FREM3: variants seen among roughly 807,000 people sequenced by gnomAD.
FREM3 encodes the protein FRAS1 related extracellular matrix 3.
FREM3 carries 105 observed loss-of-function variants against 129.1 expected under a neutral mutation model. The observed-to-expected ratio is 0.81, with a 90% CI of 0.69 to 0.96. The LOEUF is 0.96. FREM3 is among the 40% of genes least tolerant of loss of function. The probability of loss-of-function intolerance (pLI) is 0.00; values close to 1 mark genes in which losing one functional copy is unlikely to be tolerated. For synonymous variants in FREM3, 1,014 were observed against 1,044.9 expected, an observed-to-expected ratio of 0.97 and a Z score of 0.57; for missense variants, 2,593 against 2,666.3, an observed-to-expected ratio of 0.97 and a Z score of 0.61.
rs538829234 is a variant in FREM3, at chr4:143,677,922, A to G, written c.5275+15191T>C. ...CTGGAGAGGATGTGGAGAAATAGGA[A>G]CACTTTTCCACTGTTGGTGGGACTG... On this transcript the variant is annotated intron_variant, in intron 2 of 7. Transcript: ENST00000329798. 2.0e-3 allele frequency among the ~76,000 whole-genome samples: 311 copies of G among 152,308 alleles called. 3 individuals are homozygous for G. Among genetic ancestry groups the G allele is most frequent in the African/African-American group, 7.2e-3 (299 of 41,552 alleles).
chr4:143,696,662 A>T lies in FREM3; in HGVS notation c.4014T>A (p.Asp1338Glu). Residue 1338 changes from aspartate (D) to glutamate (E), a missense_variant, in exon 1 of 8, where the codon GAT (aspartate) becomes GAA (glutamate). Asp to Glu is a conservative substitution (Grantham distance 45, BLOSUM62 2). Around this residue, in one of 2 missense-constraint regions of FREM3, gnomAD observed 2,276 missense variants for 2,267.2 expected, o/e 1.00. Coordinates refer to ENST00000329798, the MANE Select transcript of FREM3 (RefSeq NM_001168235.2). ...GGAGGACAAAACTGAGGCTTTTATC[A>T]TCTGAGTCAAGATCTGTGGCCTTGA... ...RILKATDLDSDDKSLSFVLHS... is the reference protein window; with the variant it reads ...RILKATDLDSEDKSLSFVLHS... 1.3e-6 allele frequency: 2 copies of T among 1,537,892 alleles called. No homozygotes were observed. Among genetic ancestry groups the T allele is most frequent in the Non-Finnish European group, 1.7e-6 (2 of 1,147,066 alleles).
Position 143,590,908 on chromosome 4 carries a change from A to G in FREM3, c.6029-4915T>C, listed in dbSNP as rs1173249299. Among the ~76,000 whole-genome samples the G allele has an allele frequency of 2.6e-5, 4 of 152,114 alleles. No homozygotes were observed. In the East Asian group the frequency reaches 7.7e-4, roughly 29 times the overall value. On this transcript the variant is annotated intron_variant, in intron 6 of 7. Coordinates refer to ENST00000329798, the MANE Select transcript of FREM3 (RefSeq NM_001168235.2). ...TGGTAAGCTATTAATTATTGCCTCAATTTCAGATTCTGTTATTGGTCTATT... is the reference window on the plus strand; with the variant it reads ...TGGTAAGCTATTAATTATTGCCTCAGTTTCAGATTCTGTTATTGGTCTATT...
At chr4:143,668,316 A>G (rs1298493733) in intron 2 of FREM3, among the ~76,000 whole-genome samples, 1 of 152,146 alleles carries the variant, frequency 6.6e-6, no homozygotes, top group African/African-American at 2.4e-5. Flanking sequence ...AAGAACTGGA[A>G]CCTCAATGGC....
chr4:143,658,771 T>G (rs1486891233), intron 2 of FREM3, among the ~76,000 whole-genome samples: 5 of 152,222 alleles, frequency 3.3e-5, no homozygotes. Context: ...CCAAGACAAT[T>G]CTTCTTCTAA....
intron 7 of FREM3, among the ~76,000 whole-genome samples, chr4:143,582,414 C>A (rs1738163019): frequency 6.6e-6 from 1 of 151,812 alleles, no homozygotes; most frequent in Non-Finnish European, 1.5e-5. Context: ...AAATACTTTG[C>A]ATATAACACC....
chr4:143,588,705 C>T (rs537136327), intron 6 of FREM3, among the ~76,000 whole-genome samples: 1,935 of 151,602 alleles, frequency 0.013, 39 homozygotes, highest in African/African-American at 0.044. Context: ...AATAAACATA[C>T]GTGTGCATGT....
At chr4:143,606,008 G>A (rs889594618) in intron 6 of FREM3, among the ~76,000 whole-genome samples, 1 of 152,044 alleles carries the variant, frequency 6.6e-6, no homozygotes, top group African/African-American at 2.4e-5. Context: ...TGAGATGACT[G>A]GCAAAATGTG....
Position 143,577,595 on chromosome 4 carries a change from T to C in FREM3, c.*16A>G. ...AGGAGACATATCTTGGCTGTTTTTTTCCCTCTTAAAGTCTTTCAATCAAAG... is the reference window on the plus strand; with the variant it reads ...AGGAGACATATCTTGGCTGTTTTTTCCCCTCTTAAAGTCTTTCAATCAAAG... On this transcript the variant is annotated 3_prime_UTR_variant, in exon 8 of 8. Transcript: ENST00000329798. 6.5e-7 allele frequency: 1 copy of C among 1,529,938 alleles called. No homozygotes were observed. Among genetic ancestry groups the C allele is most frequent in the Non-Finnish European group, 8.8e-7 (1 of 1,142,270 alleles). 94.8% of individuals were successfully genotyped at this position (1,529,938 alleles called of 1,614,324 possible).
chr4:143,647,622 G>T (rs1359322576), intron 2 of FREM3, among the ~76,000 whole-genome samples: 1 of 152,184 alleles, frequency 6.6e-6, no homozygotes, highest in Non-Finnish European at 1.5e-5. Context: ...GCAGGCCATT[G>T]CTTCAGAGGG....
chr4:143,618,056 A>G (rs1326139132), intron 5 of FREM3, among the ~76,000 whole-genome samples: 1 of 152,236 alleles, frequency 6.6e-6, no homozygotes, highest in Non-Finnish European at 1.5e-5. Flanking sequence ...AATAGATCAT[A>G]TGTAATTGCT....
At position 143,577,464 on chromosome 4, in the gene FREM3, A is replaced by G. The variant is rs1408198350; in HGVS notation, c.*147T>C. ...TTTCTATCTCCATGCAGTCATATAAATTACATTTCCACATATCACCAGAAT... is the reference window on the plus strand; with the variant it reads ...TTTCTATCTCCATGCAGTCATATAAGTTACATTTCCACATATCACCAGAAT... On this transcript the variant is annotated 3_prime_UTR_variant, in exon 8 of 8. Transcript: ENST00000329798. The G allele has an allele frequency of 5.5e-6, 4 of 722,504 alleles. No homozygotes were observed. The African/African-American group carries it at 7.1e-5, about 13-fold the overall frequency. 44.8% of individuals were successfully genotyped at this position (722,504 alleles called of 1,614,324 possible).
intron 4 of FREM3, among the ~76,000 whole-genome samples, chr4:143,621,542 C>G (rs1738951605): frequency 6.6e-6 from 1 of 152,130 alleles, no homozygotes; most frequent in South Asian, 2.1e-4. Flanking sequence ...ATCAAGTAAT[C>G]TAATTCATTA....
chr4:143,601,281 A>G (rs181765807), intron 6 of FREM3, among the ~76,000 whole-genome samples: 2 of 152,138 alleles, frequency 1.3e-5, no homozygotes, highest in Non-Finnish European at 2.9e-5. Context: ...TTTATGCACA[A>G]TTTTTCCTTA....
At chr4:143,596,923 G>C (rs1460552544) in intron 6 of FREM3, among the ~76,000 whole-genome samples, 2 of 152,128 alleles carry the variant, frequency 1.3e-5, no homozygotes, top group African/African-American at 4.8e-5. Context: ...GAGGAAAAGA[G>C]TGAGACTTTG....
At position 143,577,793 on chromosome 4, in the gene FREM3, G is replaced by A; in HGVS notation, c.6238C>T (p.Gln2080Ter). ...NLDFAPGVRM[Q>*]TFQVTILDDL... ...TCAAGGATGGTCACTTGGAATGTCTGCATGCGCACGCCTGGAGCAAAGTCC... is the reference window on the plus strand; with the variant it reads ...TCAAGGATGGTCACTTGGAATGTCTACATGCGCACGCCTGGAGCAAAGTCC... Residue 2080 changes from glutamine to a stop codon, truncating the protein, a stop_gained, in exon 8 of 8, where the codon CAG becomes TAG. Coordinates refer to ENST00000329798, the MANE Select transcript of FREM3 (RefSeq NM_001168235.2). LOFTEE classifies it low-confidence loss of function (END_TRUNC). 3.3e-6 allele frequency: 5 copies of A among 1,537,254 alleles called. No homozygotes were observed. The highest frequency in any genetic ancestry group is 1.7e-6 in the Non-Finnish European group (2 of 1,146,868).
At chr4:143,623,573 A>ATT (rs149902769) in intron 4 of FREM3, among the ~76,000 whole-genome samples, 1 of 137,830 alleles carries the variant, frequency 7.3e-6, no homozygotes, top group African/African-American at 2.6e-5. Context: ...TACTGCTTAG[A>ATT]TTTTTTTTCC....
Position 143,699,174 on chromosome 4 carries a change from C to T in FREM3, c.1502G>A (p.Gly501Glu). The T allele has an allele frequency of 6.5e-7, 1 of 1,537,350 alleles. No homozygotes were observed. Among genetic ancestry groups the T allele is most frequent in the Non-Finnish European group, 8.7e-7 (1 of 1,146,934 alleles). ...GCCATCATGCTGATACACCACTCGC[C>T]CTGCTGCCAGGTCCGCTGGTGTGAA... ...KYFTPADLAA[G>E]RVVYQHDGSN... The change falls in exon 1 of 8, where the codon GGG becomes GAG. Residue 501 changes from glycine to glutamate, a missense_variant. By Grantham distance (98) the Gly-to-Glu change is moderately conservative. This residue lies in a region of FREM3 where 2,276 missense variants were observed against 2,267.2 expected (regional missense o/e 1.00). Transcript: ENST00000329798. The surrounding 1 kb of genome is among the most constrained non-coding windows in gnomAD (Gnocchi z 4.2).
chr4:143,688,991 A>G (rs1316416245), intron 2 of FREM3, among the ~76,000 whole-genome samples: 2 of 152,230 alleles, frequency 1.3e-5, no homozygotes, highest in South Asian at 2.1e-4. Flanking sequence ...TCAAGATCCC[A>G]AAAGGAAATG....
chr4:143,690,476 T>C (rs1346408001), intron 2 of FREM3, among the ~76,000 whole-genome samples: 1 of 152,032 alleles, frequency 6.6e-6, no homozygotes, highest in Admixed American at 6.6e-5. Context: ...CAGGGCAGGG[T>C]CTTCTTTTAA....
Sources: allele counts gnomAD v4.1 joint callset (sites outside exome capture counted in the v4.1 genomes callset), GRCh38; gene constraint gnomAD v4.1.1; regional missense constraint gnomAD v4.1.1; non-coding constraint Gnocchi (gnomAD v3.1); transcripts MANE v1.5; gene names NCBI Gene and HGNC (gene_info 2026-07-23, HGNC 2026-07-21).